Variants in RPS6KA2 observed in about 807,000 individuals in gnomAD.
The protein encoded by RPS6KA2 is ribosomal protein S6 kinase alpha-2.
RPS6KA2 carries 42 observed loss-of-function variants against 91.8 expected under a neutral mutation model. The ratio of observed to expected loss-of-function variants is 0.46; its 90% CI spans 0.36 to 0.59. The LOEUF (loss-of-function observed/expected upper bound fraction) is 0.59. Among genes scored for constraint, RPS6KA2 ranks in the 20% least tolerant of loss-of-function variants. The pLI is 0.00. For synonymous variants in RPS6KA2, 414 were observed against 393.6 expected (o/e 1.05, Z -0.61); for missense variants, 798 against 978.5 (o/e 0.82, Z 2.46).
rs776826444 is a variant in RPS6KA2 at position 166,733,836 on chromosome 6, G to A, written c.123+124364C>T. Among the ~76,000 whole-genome samples the A allele has an allele frequency of 6.6e-6, 1 of 152,170 alleles. No individual in the cohort carries two copies. ...TTCTGCGTTTTTCTGTTTATAAAGC[G>A]GATATGAGCAGGTTTACAGGCTGAA... On this transcript the variant is annotated intron_variant, in intron 2 of 21. Transcript: ENST00000503859. This position sits in a 1 kb window ranked among gnomAD's most constrained non-coding sequence, Gnocchi z 4.1.
intron 2 of RPS6KA2, among the ~76,000 whole-genome samples, chr6:166,812,046 T>C (rs1779650271): frequency 6.6e-6 from 1 of 152,170 alleles, no homozygotes; most frequent in Non-Finnish European, 1.5e-5. Context: ...CATCTCATCC[T>C]GGAAAACGAG....
At chr6:166,673,641 C>T (rs1215519570) in intron 2 of RPS6KA2, among the ~76,000 whole-genome samples, 1 of 152,246 alleles carries the variant, frequency 6.6e-6, no homozygotes, top group African/African-American at 2.4e-5. Context: ...TTGTCCAAAG[C>T]GCAGCCTGCA....
upstream of RPS6KA2, chr6:166,627,339 ACCT>A (rs1246102198): frequency 1.7e-4 from 87 of 523,138 alleles, no homozygotes; most frequent in South Asian, 3.2e-4. Flanking sequence ...CGGCACGCAC[ACCT>A]CCTCCTCCTC....
rs560795125 is a variant in RPS6KA2, at chr6:166,514,448, G to A, written c.299-4091C>T. ...AGAGGAGGGGCTAAGCCTTACAGGG[G>A]ACCCGGGAGCCTCCAGGTGCTTGGG... is the stretch of plus-strand genomic sequence containing the variant. On this transcript the variant is annotated intron_variant, in intron 3 of 20. Coordinates refer to ENST00000265678, the MANE Select transcript of RPS6KA2 (RefSeq NM_021135.6). Among the ~76,000 whole-genome samples the A allele has an allele frequency of 2.6e-5, 4 of 152,288 alleles. No individual in the cohort carries two copies. The East Asian group carries it at 5.8e-4, about 22-fold the overall frequency.
At chr6:166,744,595 A>T (rs1790925858) in intron 2 of RPS6KA2, among the ~76,000 whole-genome samples, 2 of 152,178 alleles carry the variant, frequency 1.3e-5, no homozygotes, top group Admixed American at 1.3e-4. Flanking sequence ...GCACCCGTGC[A>T]GCAGGGCCCA....
At chr6:166,537,224 G>C (rs540660210) in intron 2 of RPS6KA2, among the ~76,000 whole-genome samples, 74 of 152,344 alleles carry the variant, frequency 4.9e-4, no homozygotes, top group African/African-American at 1.7e-3. Flanking sequence ...ACAATGCATG[G>C]GCAACACCCT....
At position 166,563,575 on chromosome 6, in the gene RPS6KA2, G is replaced by A. The variant is rs536907817; in HGVS notation, c.100-24791C>T. On this transcript the variant is annotated intron_variant, in intron 1 of 20. Coordinates refer to ENST00000265678, the MANE Select transcript of RPS6KA2 (RefSeq NM_021135.6). This position sits in a 1 kb window ranked among gnomAD's most constrained non-coding sequence, Gnocchi z 4.1. Reference sequence around the variant, plus strand: ...CCAGTCACCAGACTCACCCCCACCCGCCCTCTCCCCTCCACACAGGGTAGC... The same window carrying A: ...CCAGTCACCAGACTCACCCCCACCCACCCTCTCCCCTCCACACAGGGTAGC... Among the ~76,000 whole-genome samples the A allele has an allele frequency of 5.1e-4, 52 of 102,552 alleles. No individual in the cohort carries two copies. In the East Asian group the frequency reaches 0.014, roughly 27 times the overall value. The allele number at this position is 102,552 out of a possible 152,430, so 67.3% of individuals were successfully genotyped here.
intron 2 of RPS6KA2, among the ~76,000 whole-genome samples, chr6:166,694,288 G>A (rs930450438): frequency 1.3e-5 from 2 of 152,224 alleles, no homozygotes; most frequent in Non-Finnish European, 2.9e-5. Context: ...ACAGAGGAGC[G>A]GGAGTTGGAC....
intron 2 of RPS6KA2, among the ~76,000 whole-genome samples, chr6:166,674,504 C>T (rs537417713): frequency 9.2e-5 from 14 of 151,930 alleles, no homozygotes; most frequent in African/African-American, 3.1e-4. Flanking sequence ...GACAAGAGGT[C>T]GATATCTTTA....
At chr6:166,625,191 C>T (rs974362389) in intron 1 of RPS6KA2, among the ~76,000 whole-genome samples, 1 of 152,192 alleles carries the variant, frequency 6.6e-6, no homozygotes, top group Non-Finnish European at 1.5e-5. Flanking sequence ...ACACAGGAAG[C>T]ACTAATTGAC....
rs112377473 is a variant in RPS6KA2, at chr6:166,805,751, G to A, written c.123+52449C>T. 8.5e-3 allele frequency among the ~76,000 whole-genome samples: 1,292 copies of A among 152,110 alleles called. 24 individuals carry two copies. Among genetic ancestry groups the A allele is most frequent in the African/African-American group, 0.03 (1,241 of 41,470 alleles). The stretch of plus-strand genomic sequence containing the variant: ...ACATACCAAAAAACAGGAAAATAAG[G>A]CTCATTCAAAGGAAAAAAATAAACC... On this transcript the variant is annotated intron_variant, in intron 2 of 21. Coordinates refer to the RPS6KA2 transcript ENST00000503859.
chr6:166,451,096 C>T lies in RPS6KA2; in HGVS notation c.1206+7G>A, dbSNP rs746672673. 5 of 1,613,962 alleles carry T rather than the reference C, an allele frequency of 3.1e-6. No homozygotes were observed. In the Admixed American group the frequency reaches 5.0e-5, roughly 16 times the overall value. On this transcript the variant is annotated splice_region_variant and intron_variant, in intron 13 of 20. Transcript: ENST00000265678. The stretch of plus-strand genomic sequence containing the variant: ...ACCCCCAACCCACTGCAGGCAAACA[C>T]AGTTACCTGCACGATTGGGTGAACT...
intron 2 of RPS6KA2, among the ~76,000 whole-genome samples, chr6:166,794,967 T>G (rs1382347856): frequency 2.6e-5 from 4 of 151,666 alleles, no homozygotes; most frequent in Non-Finnish European, 4.4e-5. Flanking sequence ...ACCTGCACAT[T>G]GTGCACATGT....
intron 5 of RPS6KA2, among the ~76,000 whole-genome samples, chr6:166,505,735 G>A (rs1317998176): frequency 6.6e-6 from 1 of 152,216 alleles, no homozygotes; most frequent in Non-Finnish European, 1.5e-5. Flanking sequence ...ACTGGTGGGT[G>A]CCAGCCACCC....
intron 1 of RPS6KA2, among the ~76,000 whole-genome samples, chr6:166,593,795 A>G (rs1785436705): frequency 6.6e-6 from 1 of 152,088 alleles, no homozygotes; most frequent in African/African-American, 2.4e-5. Context: ...CATATGAACA[A>G]ACTTCAAACT....
chr6:166,701,854 G>T, intron 2 of RPS6KA2: 1 of 896,430 alleles, frequency 1.1e-6, no homozygotes, highest in Admixed American at 1.9e-5. Context: ...CTGTAATGGT[G>T]TGTTCTGGAT....
Position 166,423,497 on chromosome 6 carries a change from G to A in RPS6KA2, c.1582-80C>T, listed in dbSNP as rs1331995455. The A allele has an allele frequency of 4.4e-6, 6 of 1,372,824 alleles. No individual in the cohort carries two copies. Among genetic ancestry groups the A allele is most frequent in the Non-Finnish European group, 6.0e-6 (6 of 998,288 alleles). The allele number at this position is 1,372,824 out of a possible 1,614,324, so 85.0% of individuals were successfully genotyped here. On this transcript the variant is annotated intron_variant, in intron 16 of 20. Coordinates refer to ENST00000265678, the MANE Select transcript of RPS6KA2 (RefSeq NM_021135.6). This position sits in a 1 kb window ranked among gnomAD's most constrained non-coding sequence, Gnocchi z 4.8. ...GGAGGGCAGGTGCATTTGGAGGGGA[G>A]GGTGCATTTGGGAACTGTCTTCCTA...
chr6:166,770,831 G>GA lies in RPS6KA2; in HGVS notation c.123+87368dup. ...AAAAAATGTAACTCACATAAGCATG[G>GA]AAAAAAACAAACCCACAGGAACGCT... On this transcript the variant is annotated intron_variant, in intron 2 of 21. Transcript: ENST00000503859. This position sits in a 1 kb window ranked among gnomAD's most constrained non-coding sequence, Gnocchi z 5.1. 1 of 1,562,900 alleles carries GA rather than the reference G, an allele frequency of 6.4e-7. No homozygotes were observed. Among genetic ancestry groups the GA allele is most frequent in the Non-Finnish European group, 8.6e-7 (1 of 1,168,340 alleles).
chr6:166,826,766 A>G (rs1420404159), intron 2 of RPS6KA2, among the ~76,000 whole-genome samples: 1 of 152,202 alleles, frequency 6.6e-6, no homozygotes, highest in Non-Finnish European at 1.5e-5. Context: ...GAAATTCAGT[A>G]CTAGATTTAG....
Sources: allele counts gnomAD v4.1 joint callset (sites outside exome capture counted in the v4.1 genomes callset), GRCh38; gene constraint gnomAD v4.1.1; non-coding constraint Gnocchi (gnomAD v3.1); transcripts MANE v1.5; gene names NCBI Gene and HGNC (gene_info 2026-07-23, HGNC 2026-07-21).